MEIKIN: variants seen among roughly 807,000 people sequenced by gnomAD.
MEIKIN encodes the protein meiotic kinetochore factor.
Position 131,808,087 on chromosome 5 carries a change from A to G in MEIKIN, c.1100-829T>C, listed in dbSNP as rs372224890. ...AATGTAGAATCAGCAGTCCCATTCTAAAAGTACTAAATCAAAGTCTCCATT... is the reference window on the plus strand; with the variant it reads ...AATGTAGAATCAGCAGTCCCATTCTGAAAGTACTAAATCAAAGTCTCCATT... On this transcript the variant is annotated intron_variant, in intron 12 of 12. Coordinates refer to ENST00000442687, the MANE Select transcript of MEIKIN (RefSeq NM_001303622.2). Among the ~76,000 whole-genome samples, 16 of 152,346 alleles carry G rather than the reference A, an allele frequency of 1.1e-4. No individual in the cohort carries two copies. The East Asian group carries it at 1.5e-3, about 15-fold the overall frequency.
intron 8 of MEIKIN, among the ~76,000 whole-genome samples, chr5:131,893,593 C>G (rs1750978458): frequency 6.6e-6 from 1 of 152,224 alleles, no homozygotes; most frequent in African/African-American, 2.4e-5. Context: ...GCTGCACCCA[C>G]TGTCCTGCAC....
intron 11 of MEIKIN, among the ~76,000 whole-genome samples, chr5:131,842,763 T>C (rs6867686): frequency 6.6e-6 from 1 of 152,256 alleles, no homozygotes; most frequent in Admixed American, 6.5e-5. Flanking sequence ...ATACATTCTA[T>C]GCTTTTACTC....
At chr5:131,850,503 G>A (rs781562660) in intron 11 of MEIKIN, among the ~76,000 whole-genome samples, 1 of 152,128 alleles carries the variant, frequency 6.6e-6, no homozygotes, top group Non-Finnish European at 1.5e-5. Context: ...ATGGAATAGA[G>A]AACTCAGGAA....
At position 131,945,578 on chromosome 5, in the gene MEIKIN, C is replaced by G; in HGVS notation, c.-73G>C. 2 of 399,950 alleles carry G rather than the reference C, an allele frequency of 5.0e-6. No individual in the cohort carries two copies. Among genetic ancestry groups the G allele is most frequent in the Non-Finnish European group, 8.9e-6 (2 of 225,936 alleles). The allele number at this position is 399,950 out of a possible 1,614,324, so 24.8% of individuals were successfully genotyped here. A position where few individuals can be genotyped will look rare whatever the true frequency, so the allele number is the denominator to read the frequency against. On this transcript the variant is annotated 5_prime_UTR_variant, in exon 1 of 13. Coordinates refer to ENST00000442687, the MANE Select transcript of MEIKIN (RefSeq NM_001303622.2). Reference sequence around the variant, plus strand: ...TGGCCTGCCTTCCTGAGGATCAGGGCTAAGTCACAGGGAGTCAGCGTCCAG... The same window carrying G: ...TGGCCTGCCTTCCTGAGGATCAGGGGTAAGTCACAGGGAGTCAGCGTCCAG...
At chr5:131,891,571 T>C (rs575675174) in intron 8 of MEIKIN, among the ~76,000 whole-genome samples, 10 of 152,216 alleles carry the variant, frequency 6.6e-5, no homozygotes, top group African/African-American at 2.2e-4. Flanking sequence ...ATTTGCTTGG[T>C]AGATCTTCCT....
chr5:131,875,805 C>T (rs1038098409), intron 9 of MEIKIN, among the ~76,000 whole-genome samples: 83 of 152,086 alleles, frequency 5.5e-4, no homozygotes, highest in African/African-American at 2.0e-3. Flanking sequence ...AGATATAGAC[C>T]TATGGAACAG....
intron 8 of MEIKIN, among the ~76,000 whole-genome samples, chr5:131,899,418 A>T (rs1404434032): frequency 1.3e-5 from 2 of 152,132 alleles, no homozygotes; most frequent in Non-Finnish European, 1.5e-5. Context: ...AAGGAAAGAA[A>T]GAAGGCCACA....
intron 8 of MEIKIN, among the ~76,000 whole-genome samples, chr5:131,907,939 TA>T (rs1444381924): frequency 6.6e-6 from 1 of 152,010 alleles, no homozygotes; most frequent in African/African-American, 2.4e-5. Context: ...GAAGCTATAA[TA>T]AAAAGTCTCC....
intron 9 of MEIKIN, among the ~76,000 whole-genome samples, chr5:131,860,779 T>TTTC (rs1554104496): frequency 7.3e-6 from 1 of 137,064 alleles, no homozygotes; most frequent in African/African-American, 2.8e-5. Flanking sequence ...TTTTTTTTTT[T>TTTC]GAGAGAGAGT....
chr5:131,922,644 T>G (rs1356512121), intron 5 of MEIKIN, among the ~76,000 whole-genome samples: 1 of 152,114 alleles, frequency 6.6e-6, no homozygotes, highest in African/African-American at 2.4e-5. Context: ...AATATCAGTT[T>G]TAAGCTTTCT....
chr5:131,890,523 T>C (rs146592987), intron 8 of MEIKIN, among the ~76,000 whole-genome samples: 4,447 of 152,346 alleles, frequency 0.029, 89 homozygotes, highest in Non-Finnish European at 0.046. Flanking sequence ...TACAGTATTC[T>C]CTGATGGTAG....
At chr5:131,944,160 A>AGATGAGTC (rs1396683010) in intron 3 of MEIKIN, among the ~76,000 whole-genome samples, 1 of 152,102 alleles carries the variant, frequency 6.6e-6, no homozygotes, top group Admixed American at 6.5e-5. Context: ...TGTTAATGTC[A>AGATGAGTC]GATGAGTCAC....
At chr5:131,926,823 T>C (rs1003759205) in intron 5 of MEIKIN, among the ~76,000 whole-genome samples, 6 of 152,170 alleles carry the variant, frequency 3.9e-5, no homozygotes, top group African/African-American at 1.4e-4. Flanking sequence ...TTGGGCATGG[T>C]AGTCTCATGA....
intron 11 of MEIKIN, among the ~76,000 whole-genome samples, chr5:131,841,366 G>A (rs1372210038): frequency 1.3e-5 from 2 of 152,112 alleles, no homozygotes; most frequent in Non-Finnish European, 2.9e-5. Flanking sequence ...GTGTGGTGGG[G>A]CACATACTCA....
At chr5:131,841,254 A>T (rs1396708333) in intron 11 of MEIKIN, among the ~76,000 whole-genome samples, 1 of 152,128 alleles carries the variant, frequency 6.6e-6, no homozygotes, top group Non-Finnish European at 1.5e-5. Flanking sequence ...GTGCTCCCAG[A>T]CTACTGGTCT....
intron 5 of MEIKIN, among the ~76,000 whole-genome samples, chr5:131,925,005 G>A (rs746490743): frequency 6.6e-6 from 1 of 152,144 alleles, no homozygotes; most frequent in Admixed American, 6.5e-5. Context: ...GTGTATGGGT[G>A]TCAATGTCCA....
intron 9 of MEIKIN, among the ~76,000 whole-genome samples, chr5:131,878,602 G>T (rs540360550): frequency 1.3e-5 from 2 of 152,226 alleles, no homozygotes; most frequent in East Asian, 1.9e-4. Flanking sequence ...GGGTACAGTG[G>T]CTCATGCCTG....
intron 7 of MEIKIN, 120 bp downstream of exon 7, chr5:131,916,766 G>A: frequency 2.6e-6 from 1 of 384,206 alleles, no homozygotes; most frequent in Non-Finnish European, 4.6e-6. Context: ...GACACATAGT[G>A]AGTCCTCAAC....
chr5:131,913,793 T>C (rs1561753546), intron 7 of MEIKIN, among the ~76,000 whole-genome samples: 1 of 152,238 alleles, frequency 6.6e-6, no homozygotes, highest in South Asian at 2.1e-4. Flanking sequence ...GAAAACCACA[T>C]TTAACATTTT....
Sources: gnomAD v4.1 joint callset for allele counts (sites outside exome capture counted in the v4.1 genomes callset) on GRCh38, gnomAD v4.1.1 for gene constraint, MANE v1.5 for transcripts, NCBI Gene and HGNC (gene_info 2026-07-23, HGNC 2026-07-21) for gene names.